TMEM38B: variants seen among roughly 807,000 people sequenced by gnomAD.
The protein encoded by TMEM38B is transmembrane protein 38B.
TMEM38B carries 24 observed loss-of-function variants against 28.7 expected under a neutral mutation model. The ratio of observed to expected loss-of-function variants is 0.84; its 90% CI spans 0.61 to 1.18. The LOEUF is 1.18. TMEM38B is among the 50% of genes most tolerant of loss of function. The probability of loss-of-function intolerance (pLI) is 0.00; values close to 1 mark genes in which losing one functional copy is unlikely to be tolerated. For synonymous variants in TMEM38B, 131 were observed against 127.7 expected, an observed-to-expected ratio of 1.03 and a Z score of -0.17; for missense variants, 380 against 350.9, an observed-to-expected ratio of 1.08 and a Z score of -0.66.
intron 5 of TMEM38B, among the ~76,000 whole-genome samples, chr9:105,773,662 C>T (rs1364859956): frequency 6.6e-6 from 1 of 152,022 alleles, no homozygotes; most frequent in Non-Finnish European, 1.5e-5. Context: ...AATATGGTAC[C>T]TTGTATTATT....
chr9:105,738,700 T>A (rs543382424), intron 4 of TMEM38B, among the ~76,000 whole-genome samples: 1 of 150,240 alleles, frequency 6.7e-6, no homozygotes, highest in African/African-American at 2.5e-5. Context: ...CAGATCCATA[T>A]GAGTTAATTT....
At chr9:105,747,861 T>C (rs1314476718) in intron 4 of TMEM38B, among the ~76,000 whole-genome samples, 2 of 152,208 alleles carry the variant, frequency 1.3e-5, no homozygotes, top group Non-Finnish European at 2.9e-5. Flanking sequence ...GAGCAGGTTG[T>C]TCAGTTTCCA....
chr9:105,735,687 T>G (rs1042171350), intron 4 of TMEM38B, among the ~76,000 whole-genome samples: 1 of 152,210 alleles, frequency 6.6e-6, no homozygotes, highest in Non-Finnish European at 1.5e-5. Flanking sequence ...ATGTGACATG[T>G]CAGTTTTCTC....
At chr9:105,735,198 A>C (rs1337749110) in intron 4 of TMEM38B, among the ~76,000 whole-genome samples, 3 of 152,026 alleles carry the variant, frequency 2.0e-5, no homozygotes, top group Non-Finnish European at 4.4e-5. Context: ...CCCTATCCTT[A>C]ATTTATATTT....
intron 2 of TMEM38B, among the ~76,000 whole-genome samples, chr9:105,712,586 A>G (rs1348378383): frequency 3.9e-5 from 6 of 152,234 alleles, no homozygotes; most frequent in Admixed American, 3.9e-4. Context: ...AGATCCCTTT[A>G]CCAAGACTTC....
At chr9:105,699,833 GT>G (rs952731648) in intron 1 of TMEM38B, among the ~76,000 whole-genome samples, 1 of 151,936 alleles carries the variant, frequency 6.6e-6, no homozygotes, top group Non-Finnish European at 1.5e-5. Flanking sequence ...GATAGTATAA[GT>G]TTTTTTTGTT....
At chr9:105,747,935 A>T in intron 4 of TMEM38B, 138 bp from the exon 5 acceptor site, 1 of 585,650 alleles carries the variant, frequency 1.7e-6, no homozygotes, top group Middle Eastern at 4.5e-4. Context: ...ACACTTTTTA[A>T]AGTGTTTTAA....
At chr9:105,764,133 TG>T (rs778546695) in intron 5 of TMEM38B, among the ~76,000 whole-genome samples, 3 of 95,758 alleles carry the variant, frequency 3.1e-5, no homozygotes, top group Non-Finnish European at 3.6e-5. Context: ...TCATACTGAA[TG>T]GGCAAAAACT....
chr9:105,721,082 AAT>A (rs1205153321), intron 2 of TMEM38B, among the ~76,000 whole-genome samples: 4 of 152,122 alleles, frequency 2.6e-5, no homozygotes, highest in Admixed American at 6.6e-5. Flanking sequence ...GGCACAGGTG[AAT>A]ATGTTATTTG....
intron 5 of TMEM38B, among the ~76,000 whole-genome samples, chr9:105,765,180 A>C (rs949090718): frequency 2.0e-5 from 3 of 152,210 alleles, no homozygotes; most frequent in Non-Finnish European, 4.4e-5. Flanking sequence ...ATAGATTTGT[A>C]AAATGTGGAT....
intron 5 of TMEM38B, among the ~76,000 whole-genome samples, chr9:105,751,700 G>C (rs183392231): frequency 3.9e-5 from 6 of 152,280 alleles, no homozygotes; most frequent in South Asian, 2.1e-4. Context: ...TGAGTTCCTG[G>C]GGGGAGGGGC....
At chr9:105,736,359 C>A (rs1836979073) in intron 4 of TMEM38B, among the ~76,000 whole-genome samples, 1 of 151,826 alleles carries the variant, frequency 6.6e-6, no homozygotes, top group Admixed American at 6.6e-5. Context: ...AGTCACAATT[C>A]TTTTTTCTAC....
Position 105,722,561 on chromosome 9 carries a change from T to C in TMEM38B, c.482T>C (p.Phe161Ser), listed in dbSNP as rs1456471556. Reference sequence around the variant, plus strand: ...GCAGGTGGTACCATTATAACGAATTTTGAGAGGTTGGTAAAAGGAGATTGG... The same window carrying C: ...GCAGGTGGTACCATTATAACGAATTCTGAGAGGTTGGTAAAAGGAGATTGG... ...RGAGGTIITNFERLVKGDWKP... is the reference protein window; with the variant it reads ...RGAGGTIITNSERLVKGDWKP... Residue 161 changes from phenylalanine to serine, a missense_variant, in exon 4 of 6, where the codon TTT becomes TCT. Transcript: ENST00000374692. 4 of 1,613,574 alleles carry C rather than the reference T, an allele frequency of 2.5e-6. No homozygotes were observed. In the African/African-American group the frequency reaches 5.3e-5, roughly 22 times the overall value.
intron 5 of TMEM38B, among the ~76,000 whole-genome samples, chr9:105,749,632 G>C (rs1213499131): frequency 2.0e-5 from 3 of 152,116 alleles, no homozygotes; most frequent in Non-Finnish European, 4.4e-5. Context: ...TATATTCATG[G>C]ATTTGTGCAA....
At chr9:105,699,648 T>C (rs1835399178) in intron 1 of TMEM38B, among the ~76,000 whole-genome samples, 1 of 152,194 alleles carries the variant, frequency 6.6e-6, no homozygotes, top group South Asian at 2.1e-4. Flanking sequence ...GGAAAGATAA[T>C]ACTCCTCCAG....
At chr9:105,704,934 A>G (rs1487159769) in intron 1 of TMEM38B, among the ~76,000 whole-genome samples, 2 of 152,086 alleles carry the variant, frequency 1.3e-5, no homozygotes, top group Admixed American at 6.5e-5. Flanking sequence ...AAAGTAAAAA[A>G]AAAAAAGAGA....
At chr9:105,737,696 C>T (rs1475725496) in intron 4 of TMEM38B, among the ~76,000 whole-genome samples, 1 of 152,142 alleles carries the variant, frequency 6.6e-6, no homozygotes, top group African/African-American at 2.4e-5. Flanking sequence ...GGATGCGGGA[C>T]CCTGCATGTT....
intron 2 of TMEM38B, among the ~76,000 whole-genome samples, chr9:105,718,057 C>G (rs1266065050): frequency 2.0e-5 from 3 of 152,174 alleles, no homozygotes; most frequent in African/African-American, 4.8e-5. Flanking sequence ...CCTGGCGCAG[C>G]TAGTCCTTTA....
At chr9:105,699,431 AC>A (rs1835391247) in intron 1 of TMEM38B, among the ~76,000 whole-genome samples, 1 of 152,078 alleles carries the variant, frequency 6.6e-6, no homozygotes, top group Non-Finnish European at 1.5e-5. Context: ...ACTCCTTGAG[AC>A]TTTATTTTGG....
Sources: gnomAD v4.1 joint callset for allele counts (sites outside exome capture counted in the v4.1 genomes callset) on GRCh38, gnomAD v4.1.1 for gene constraint, MANE v1.5 for transcripts, NCBI Gene and HGNC (gene_info 2026-07-23, HGNC 2026-07-21) for gene names.